EXOC6B: variants seen among roughly 807,000 people sequenced by gnomAD.
EXOC6B encodes the protein SEC15 homolog B.
In EXOC6B, 54 loss-of-function variants were observed where a neutral mutation model predicts 113.5. The ratio of observed to expected loss-of-function variants is 0.48; its 90% CI spans 0.38 to 0.60. The LOEUF (loss-of-function observed/expected upper bound fraction) is 0.60, where lower values mean the gene tolerates loss of function less well. EXOC6B is among the 20% of genes least tolerant of loss of function. The pLI, the probability that EXOC6B is intolerant of heterozygous loss-of-function variation, is 0.00. For missense variants in EXOC6B, 797 were observed against 977.5 expected, an observed-to-expected ratio of 0.82 and a Z score of 2.46; for synonymous variants, 357 against 339.0, an observed-to-expected ratio of 1.05 and a Z score of -0.58.
intron 6 of EXOC6B, among the ~76,000 whole-genome samples, chr2:72,638,010 T>C (rs1432714369): frequency 1.3e-5 from 2 of 151,484 alleles, no homozygotes. Flanking sequence ...AAAAATCAAA[T>C]CAAAGCAGAA....
At chr2:72,553,404 A>T (rs1703350152) in intron 8 of EXOC6B, among the ~76,000 whole-genome samples, 1 of 152,068 alleles carries the variant, frequency 6.6e-6, no homozygotes, top group Non-Finnish European at 1.5e-5. Flanking sequence ...AATCAATTCA[A>T]ATCAAAATTC....
chr2:72,735,733 T>C (rs1680908321), intron 2 of EXOC6B, among the ~76,000 whole-genome samples: 1 of 151,764 alleles, frequency 6.6e-6, no homozygotes, highest in Admixed American at 6.6e-5. Context: ...GGAAAATCGC[T>C]TGAACCGGGT....
chr2:72,596,943 C>A (rs938493717), intron 6 of EXOC6B, among the ~76,000 whole-genome samples: 1 of 151,244 alleles, frequency 6.6e-6, no homozygotes, highest in African/African-American at 2.4e-5. Flanking sequence ...TATCTCAGAT[C>A]TTAATATCTA....
intron 20 of EXOC6B, among the ~76,000 whole-genome samples, chr2:72,201,431 T>C (rs552844098): frequency 5.1e-5 from 7 of 136,610 alleles, no homozygotes; most frequent in Admixed American, 1.4e-4. Flanking sequence ...TGTGAAATGA[T>C]GTAAAAAAAA....
intron 18 of EXOC6B, among the ~76,000 whole-genome samples, chr2:72,422,281 C>T (rs1375519108): frequency 3.3e-5 from 5 of 152,222 alleles, no homozygotes; most frequent in Non-Finnish European, 5.9e-5. Context: ...GGGAAGCCAG[C>T]TGGGCTCCTG....
At chr2:72,606,096 C>G (rs1033205297) in intron 6 of EXOC6B, among the ~76,000 whole-genome samples, 1 of 152,120 alleles carries the variant, frequency 6.6e-6, no homozygotes, top group African/African-American at 2.4e-5. Context: ...ACAGATTTCT[C>G]AGAGACTTAG....
intron 1 of EXOC6B, among the ~76,000 whole-genome samples, chr2:72,770,928 A>G (rs1683374145): frequency 6.6e-6 from 1 of 152,184 alleles, no homozygotes; most frequent in South Asian, 2.1e-4. Flanking sequence ...GCTTCATGGT[A>G]GTGTCTTCCC....
At chr2:72,266,854 C>A (rs541123252) in intron 20 of EXOC6B, among the ~76,000 whole-genome samples, 1 of 152,234 alleles carries the variant, frequency 6.6e-6, no homozygotes, top group East Asian at 1.9e-4. Context: ...GGCAGTATGG[C>A]CATTTTCACG....
chr2:72,535,780 C>G (rs932865530), intron 8 of EXOC6B, among the ~76,000 whole-genome samples: 1 of 150,840 alleles, frequency 6.6e-6, no homozygotes, highest in Non-Finnish European at 1.5e-5. Context: ...TGAGGCAGGA[C>G]AATCACTTGC....
At position 72,825,777 on chromosome 2, in the gene EXOC6B, T is replaced by G; in HGVS notation, c.113+21A>C. 6.2e-7 allele frequency: 1 copy of G among 1,608,472 alleles called. No homozygotes were observed. Among genetic ancestry groups the G allele is most frequent in the Non-Finnish European group, 8.5e-7 (1 of 1,177,742 alleles). ...CGTCCCGCCCGTTCCCGCCCCTCTGTGGTCCCGGCACCCGGGGTACCTGAG... is the reference window on the plus strand; with the variant it reads ...CGTCCCGCCCGTTCCCGCCCCTCTGGGGTCCCGGCACCCGGGGTACCTGAG... On this transcript the variant is annotated intron_variant, in intron 1 of 21. Coordinates refer to ENST00000272427, the MANE Select transcript of EXOC6B (RefSeq NM_015189.3). The surrounding 1 kb of genome is among the most constrained non-coding windows in gnomAD (Gnocchi z 4.4).
chr2:72,475,122 C>A (rs1195877711), intron 17 of EXOC6B, among the ~76,000 whole-genome samples: 3 of 152,076 alleles, frequency 2.0e-5, no homozygotes, highest in Non-Finnish European at 4.4e-5. Flanking sequence ...GGTCTTTGAG[C>A]CCCAGTGGTG....
chr2:72,254,262 C>T (rs1016296710), intron 20 of EXOC6B, among the ~76,000 whole-genome samples: 3 of 152,240 alleles, frequency 2.0e-5, no homozygotes, highest in Middle Eastern at 6.8e-3. Flanking sequence ...CTGGGTAGAC[C>T]CCTGAACCCA....
intron 1 of EXOC6B, among the ~76,000 whole-genome samples, chr2:72,808,956 T>C (rs745522742): frequency 6.6e-6 from 1 of 152,036 alleles, no homozygotes; most frequent in Admixed American, 6.6e-5. Context: ...TCACAGCTAC[T>C]CAGGAGGCTG....
chr2:72,346,322 C>A (rs975759704), intron 19 of EXOC6B, among the ~76,000 whole-genome samples: 1 of 152,134 alleles, frequency 6.6e-6, no homozygotes, highest in African/African-American at 2.4e-5. Flanking sequence ...GCAGATCAAT[C>A]TCCATCTGGC....
At chr2:72,308,934 C>T (rs912801882) in intron 20 of EXOC6B, among the ~76,000 whole-genome samples, 3 of 151,996 alleles carry the variant, frequency 2.0e-5, no homozygotes, top group African/African-American at 7.2e-5. Context: ...AGAGGAAATA[C>T]TTACACCAAA....
At chr2:72,292,316 T>C (rs1685847629) in intron 20 of EXOC6B, among the ~76,000 whole-genome samples, 1 of 151,932 alleles carries the variant, frequency 6.6e-6, no homozygotes, top group Non-Finnish European at 1.5e-5. Context: ...GTTGCATAGT[T>C]CCTGCTTTTT....
chr2:72,226,634 T>C (rs1286973985), intron 20 of EXOC6B, among the ~76,000 whole-genome samples: 2 of 152,184 alleles, frequency 1.3e-5, no homozygotes, highest in Non-Finnish European at 2.9e-5. Flanking sequence ...CCTTTAAAAA[T>C]CTAGGTTTAC....
intron 6 of EXOC6B, among the ~76,000 whole-genome samples, chr2:72,717,585 T>C (rs896272215): frequency 1.3e-5 from 2 of 152,236 alleles, no homozygotes; most frequent in Non-Finnish European, 2.9e-5. Context: ...ATGTATATAC[T>C]GCTAACATAT....
intron 2 of EXOC6B, among the ~76,000 whole-genome samples, chr2:72,740,811 G>T (rs1681259477): frequency 6.6e-6 from 1 of 151,858 alleles, no homozygotes; most frequent in Admixed American, 6.6e-5. Flanking sequence ...AACTTTAAAA[G>T]GGTAATCTTG....
Sources: allele counts gnomAD v4.1 joint callset (sites outside exome capture counted in the v4.1 genomes callset), GRCh38; gene constraint gnomAD v4.1.1; non-coding constraint Gnocchi (gnomAD v3.1); transcripts MANE v1.5; gene names NCBI Gene and HGNC (gene_info 2026-07-23, HGNC 2026-07-21).